INCENP: variants seen among roughly 807,000 people sequenced by gnomAD.
INCENP encodes binds and activates aurora-B and -C in vivo and in vitro.
In INCENP, 43 loss-of-function variants were observed where a neutral mutation model predicts 107.3. The ratio of observed to expected loss-of-function variants is 0.40; its 90% confidence interval spans 0.31 to 0.52. The LOEUF is 0.52. Ranked by LOEUF, INCENP falls within the 20% of genes least tolerant of loss-of-function variation. The probability of loss-of-function intolerance (pLI) is 0.53; values close to 1 mark genes in which losing one functional copy is unlikely to be tolerated. For missense variants in INCENP, 1,089 were observed against 1,250.9 expected, an observed-to-expected ratio of 0.87 and a Z score of 1.95; for synonymous variants, 488 against 494.4, an observed-to-expected ratio of 0.99 and a Z score of 0.17.
intron 4 of INCENP, among the ~76,000 whole-genome samples, chr11:62,132,220 A>G (rs1426672715): frequency 6.6e-6 from 1 of 152,250 alleles, no homozygotes; most frequent in Non-Finnish European, 1.5e-5. Context: ...TTCACTTTAC[A>G]GAGGAGGAAA....
rs372103427 is a variant in INCENP at position 62,144,969 on chromosome 11, C to T, written c.1606-13C>T. 2 of 1,586,776 alleles carry T rather than the reference C, an allele frequency of 1.3e-6. No homozygotes were observed. Among genetic ancestry groups the T allele is most frequent in the East Asian group, 2.2e-5 (1 of 44,614 alleles). Reference sequence around the variant, plus strand: ...TGCTCATGTCCCATCTCCCTCGCTCCCCGCCACCCCAGGAGAAGGAGCGGC... The same window carrying T: ...TGCTCATGTCCCATCTCCCTCGCTCTCCGCCACCCCAGGAGAAGGAGCGGC... On this transcript the variant is annotated splice_polypyrimidine_tract_variant and intron_variant, in intron 11 of 18. Transcript: ENST00000394818.
Position 62,151,959 on chromosome 11 carries a change from A to C in INCENP, c.2740A>C (p.Ser914Arg), listed in dbSNP as rs751632364. ...CAGGGTCCCCAGCAGCCTGGCCTAC[A>C]GCCTGAAGAAGCACTGAGGCTGGCC... The part of the protein sequence containing the change: ...GARVPSSLAY[S>R]LKKH The change falls in exon 19 of 19, where the codon AGC becomes CGC. Residue 914 changes from serine to arginine, a missense_variant. By Grantham distance (110) the Ser-to-Arg change is moderately radical (BLOSUM62 -1). Transcript: ENST00000394818. 4 of 1,610,342 alleles carry C rather than the reference A, an allele frequency of 2.5e-6. No individual in the cohort carries two copies. In the African/African-American group the frequency reaches 5.3e-5, roughly 21 times the overall value.
chr11:62,150,934 A>G (rs1590632095), intron 18 of INCENP, among the ~76,000 whole-genome samples: 1 of 152,202 alleles, frequency 6.6e-6, no homozygotes, highest in Admixed American at 6.5e-5. Context: ...TGGTAGGCAC[A>G]CTACAGAAAC....
rs562779234 is a variant in INCENP at position 62,135,966 on chromosome 11, C to T, written c.1064-1866C>T. On this transcript the variant is annotated intron_variant, in intron 4 of 18. Transcript: ENST00000394818. ...CTGGGACTACAGGCGCCCACCACTACGCCCGGCTAATTTTTTGTATTTCTA... is the reference window on the plus strand; with the variant it reads ...CTGGGACTACAGGCGCCCACCACTATGCCCGGCTAATTTTTTGTATTTCTA... 2.6e-5 allele frequency among the ~76,000 whole-genome samples: 4 copies of T among 152,258 alleles called. No individual in the cohort carries two copies. The East Asian group carries it at 5.8e-4, about 22-fold the overall frequency.
rs759851934 is a variant in INCENP at position 62,145,642 on chromosome 11, G to A, written c.1850G>A (p.Arg617Gln). ...DEKTEKAKEE[R>Q]LAEEKAKKKA... is the part of the protein sequence containing the mutation. ...TGGGCTCTGCAGGCCAAGGAGGAGCGGCTGGCAGAGGAGAAGGCCAAGAAA... is the reference window on the plus strand; with the variant it reads ...TGGGCTCTGCAGGCCAAGGAGGAGCAGCTGGCAGAGGAGAAGGCCAAGAAA... Residue 617 changes from arginine to glutamine, a missense_variant, in exon 14 of 19, where the codon CGG becomes CAG. Arg to Gln is a conservative substitution (Grantham distance 43). Coordinates refer to ENST00000394818, the MANE Select transcript of INCENP (RefSeq NM_001040694.2). 2.9e-5 allele frequency: 46 copies of A among 1,590,970 alleles called. No individual in the cohort carries two copies. The highest frequency in any genetic ancestry group is 3.5e-5 in the Admixed American group (2 of 56,504).
At position 62,128,004 on chromosome 11, in the gene INCENP, G is replaced by A. The variant is rs3825035; in HGVS notation, c.-11-147G>A. 0.25 allele frequency: 172,643 copies of A among 694,420 alleles called. 23,489 individuals carry two copies. Among genetic ancestry groups the A allele is most frequent in the Non-Finnish European group, 0.3 (119,839 of 404,012 alleles). The allele number at this position is 694,420 out of a possible 1,614,324, so 43.0% of individuals were successfully genotyped here. Reference sequence around the variant, plus strand: ...GAGTGTTTGGAATTCTGCAGCTCTGGGGAGTGGCTGTGAGCAGAGAGGGGC... The same window carrying A: ...GAGTGTTTGGAATTCTGCAGCTCTGAGGAGTGGCTGTGAGCAGAGAGGGGC... On this transcript the variant is annotated intron_variant, in intron 1 of 18. Coordinates refer to ENST00000394818, the MANE Select transcript of INCENP (RefSeq NM_001040694.2).
chr11:62,145,634 G>C lies in INCENP; in HGVS notation c.1842G>C (p.Lys614Asn). ...TGTGTGGGTGGGCTCTGCAGGCCAA[G>C]GAGGAGCGGCTGGCAGAGGAGAAGG... is the stretch of plus-strand genomic sequence containing the variant. The part of the protein sequence containing the change: ...AQIDEKTEKA[K>N]EERLAEEKAK... Residue 614 changes from lysine to asparagine, a missense_variant, in exon 14 of 19, where the codon AAG (lysine) becomes AAC (asparagine). Lys to Asn is a moderately conservative substitution (Grantham distance 94). Coordinates refer to ENST00000394818, the MANE Select transcript of INCENP (RefSeq NM_001040694.2). 1 of 1,594,190 alleles carries C rather than the reference G, an allele frequency of 6.3e-7. No individual in the cohort carries two copies. The highest frequency in any genetic ancestry group is 2.3e-5 in the East Asian group (1 of 43,964).
intron 7 of INCENP, among the ~76,000 whole-genome samples, chr11:62,139,548 C>T (rs1027248030): frequency 2.0e-5 from 3 of 152,230 alleles, no homozygotes; most frequent in East Asian, 1.9e-4. Context: ...CTCCTCTTTA[C>T]GACGTGGTCA....
Position 62,148,471 on chromosome 11 carries a change from C to T in INCENP, c.2205-5C>T, listed in dbSNP as rs1944303347. On this transcript the variant is annotated splice_polypyrimidine_tract_variant and splice_region_variant and intron_variant, in intron 15 of 18. Coordinates refer to ENST00000394818, the MANE Select transcript of INCENP (RefSeq NM_001040694.2). ...TGTCCTAACAGGCTCTTGCTGGGTC[C>T]TCAGGGAGCTGCAGGAGCGGGAGAA... 6.3e-7 allele frequency: 1 copy of T among 1,598,724 alleles called. No individual in the cohort carries two copies. Among genetic ancestry groups the T allele is most frequent in the African/African-American group, 1.3e-5 (1 of 74,852 alleles).
intron 1 of INCENP, among the ~76,000 whole-genome samples, chr11:62,125,151 T>C (rs1016268249): frequency 6.6e-6 from 1 of 152,126 alleles, no homozygotes; most frequent in Non-Finnish European, 1.5e-5. Flanking sequence ...GAAGAAGAGA[T>C]TTTTGCTGCT....
chr11:62,132,940 A>G (rs781467288), intron 4 of INCENP, among the ~76,000 whole-genome samples: 1 of 152,208 alleles, frequency 6.6e-6, no homozygotes, highest in Non-Finnish European at 1.5e-5. Context: ...TTTGAATGTG[A>G]ATAGATAACT....
chr11:62,137,297 C>T (rs1447017912), intron 4 of INCENP, among the ~76,000 whole-genome samples: 4 of 152,008 alleles, frequency 2.6e-5, no homozygotes, highest in Non-Finnish European at 5.9e-5. Flanking sequence ...AGCAAGACTC[C>T]GTCTCAAAAA....
chr11:62,129,220 C>T (rs1443306540), intron 3 of INCENP, among the ~76,000 whole-genome samples: 4 of 152,168 alleles, frequency 2.6e-5, no homozygotes, highest in Non-Finnish European at 4.4e-5. Context: ...GTGTAGACCA[C>T]GTGCCTTGTC....
chr11:62,140,246 A>C lies in INCENP; in HGVS notation c.1304A>C (p.Asp435Ala). Residue 435 changes from aspartate to alanine, a missense_variant, in exon 8 of 19, where the codon GAC becomes GCC. Transcript: ENST00000394818. ...PSAGQQEAKT[D>A]QADGPREPPQ... ...GCTGTCTTCACAGAGGCCAAGACGGACCAAGCAGATGGACCCAGAGAGCCA... is the reference window on the plus strand; with the variant it reads ...GCTGTCTTCACAGAGGCCAAGACGGCCCAAGCAGATGGACCCAGAGAGCCA... 6.2e-7 allele frequency: 1 copy of C among 1,613,622 alleles called. No individual in the cohort carries two copies. Among genetic ancestry groups the C allele is most frequent in the Non-Finnish European group, 8.5e-7 (1 of 1,179,876 alleles).
intron 15 of INCENP, among the ~76,000 whole-genome samples, chr11:62,147,761 G>T (rs1944284140): frequency 6.6e-6 from 1 of 152,136 alleles, no homozygotes; most frequent in South Asian, 2.1e-4. Flanking sequence ...TGCTTGATGG[G>T]GACAAAGCTG....
At chr11:62,124,261 C>T (rs570518143) in intron 1 of INCENP, 98 bp downstream of exon 1, 4 of 152,272 alleles carry the variant, frequency 2.6e-5, no homozygotes, top group African/African-American at 4.8e-5. Context: ...GTCGTGACTC[C>T]CCACCCCAGC....
intron 17 of INCENP, among the ~76,000 whole-genome samples, chr11:62,149,547 A>T (rs1056844553): frequency 6.6e-6 from 1 of 152,170 alleles, no homozygotes; most frequent in Non-Finnish European, 1.5e-5. Context: ...TTCTAGACAC[A>T]CTGACCTGGA....
chr11:62,148,490 G>A lies in INCENP; in HGVS notation c.2219G>A (p.Arg740Gln), dbSNP rs1205614192. 18 of 1,605,506 alleles carry A rather than the reference G, an allele frequency of 1.1e-5. No individual in the cohort carries two copies. The highest frequency in any genetic ancestry group is 1.7e-4 in the Middle Eastern group (1 of 6,040). ...RLQAERELQE[R>Q]EKALRLQKEQ... is the part of the protein sequence containing the mutation. ...TGGGTCCTCAGGGAGCTGCAGGAGCGGGAGAAGGCCCTGCGGCTGCAGAAG... is the reference window on the plus strand; with the variant it reads ...TGGGTCCTCAGGGAGCTGCAGGAGCAGGAGAAGGCCCTGCGGCTGCAGAAG... The change falls in exon 16 of 19, where the codon CGG becomes CAG. Residue 740 changes from arginine (R) to glutamine (Q), a missense_variant. Coordinates refer to ENST00000394818, the MANE Select transcript of INCENP (RefSeq NM_001040694.2).
chr11:62,138,116 C>G, intron 5 of INCENP: 2 of 590,098 alleles, frequency 3.4e-6, no homozygotes, highest in South Asian at 4.0e-5. Context: ...AGACCTGACC[C>G]TGGGGCGTGG....
Sources: gnomAD v4.1 joint callset for allele counts (sites outside exome capture counted in the v4.1 genomes callset) on GRCh38, gnomAD v4.1.1 for gene constraint, MANE v1.5 for transcripts, NCBI Gene and HGNC (gene_info 2026-07-23, HGNC 2026-07-21) for gene names.